RTF2: variants seen among roughly 807,000 people sequenced by gnomAD.
RTF2 encodes the protein UPF0549 protein C20orf43.
Under a neutral mutation model 38.0 loss-of-function variants are expected in RTF2, and 18 were observed. The observed-to-expected ratio is 0.47, with a 90% CI of 0.33 to 0.70. The LOEUF (loss-of-function observed/expected upper bound fraction) is 0.70. Among genes scored for constraint, RTF2 ranks in the 30% least tolerant of loss-of-function variants. The pLI is 0.02. For missense variants in RTF2, 311 were observed against 379.6 expected, an observed-to-expected ratio of 0.82 and a Z score of 1.50; for synonymous variants, 126 against 137.1, an observed-to-expected ratio of 0.92 and a Z score of 0.57.
chr20:56,480,603 G>C (rs1982483316), intron 4 of RTF2, among the ~76,000 whole-genome samples: 1 of 152,158 alleles, frequency 6.6e-6, no homozygotes, highest in Non-Finnish European at 1.5e-5. Flanking sequence ...TTGGCTTTGG[G>C]CCTGCCTTCC....
intron 6 of RTF2, chr20:56,513,715 C>A (rs1372434298): frequency 1.6e-5 from 5 of 316,234 alleles, no homozygotes; most frequent in Non-Finnish European, 2.5e-5. Context: ...GAGACCATGG[C>A]CATAAAGCAC....
At chr20:56,479,742 A>G (rs148487658) in intron 4 of RTF2, among the ~76,000 whole-genome samples, 8 of 152,236 alleles carry the variant, frequency 5.3e-5, no homozygotes, top group African/African-American at 1.9e-4. Flanking sequence ...AAACAACTTT[A>G]ATCTTGTACA....
At chr20:56,481,888 T>C (rs1982544424) in intron 4 of RTF2, among the ~76,000 whole-genome samples, 2 of 152,226 alleles carry the variant, frequency 1.3e-5, no homozygotes, top group African/African-American at 4.8e-5. Flanking sequence ...TCATACAATA[T>C]GTAACCTTTC....
chr20:56,486,578 G>A (rs779104928), intron 5 of RTF2, among the ~76,000 whole-genome samples: 3 of 152,150 alleles, frequency 2.0e-5, no homozygotes, highest in Non-Finnish European at 4.4e-5. Context: ...GAACCTGGGA[G>A]CTGGAGGTTA....
chr20:56,469,677 C>A (rs758061958), intron 1 of RTF2, among the ~76,000 whole-genome samples: 1 of 152,186 alleles, frequency 6.6e-6, no homozygotes, highest in Non-Finnish European at 1.5e-5. Context: ...AAAAGGTAAA[C>A]CCCTTAAGTC....
At chr20:56,479,114 A>G (rs1982399507) in intron 4 of RTF2, among the ~76,000 whole-genome samples, 1 of 152,348 alleles carries the variant, frequency 6.6e-6, no homozygotes, top group African/African-American at 2.4e-5. Flanking sequence ...CCACTAAAGC[A>G]TTGAACCCCT....
Position 56,468,678 on chromosome 20 carries a change from G to C in RTF2, c.-20G>C, listed in dbSNP as rs910173816. On this transcript the variant is annotated 5_prime_UTR_variant, in exon 1 of 9. Transcript: ENST00000357348. ...TGACAGCTTTGGGGGTTTGCTGCTG[G>C]CTCTGACTCCCGTCCTGCGATGGGT... The C allele has an allele frequency of 6.4e-7, 1 of 1,564,118 alleles. No homozygotes were observed. Among genetic ancestry groups the C allele is most frequent in the Non-Finnish European group, 8.7e-7 (1 of 1,154,260 alleles).
At chr20:56,497,137 C>T in intron 5 of RTF2, 2 of 1,551,542 alleles carry the variant, frequency 1.3e-6, no homozygotes, top group South Asian at 1.2e-5. Context: ...AAACAGTTAA[C>T]CAAGGTTTGC....
At chr20:56,516,810 AC>A in intron 6 of RTF2, 124 bp from the exon 7 acceptor site, 1 of 801,754 alleles carries the variant, frequency 1.2e-6, no homozygotes, top group Non-Finnish European at 2.1e-6. Context: ...CTTCAGAGTG[AC>A]TGTCTGTCTC....
intron 8 of RTF2, among the ~76,000 whole-genome samples, chr20:56,517,565 G>A (rs1403528461): frequency 6.6e-6 from 1 of 152,154 alleles, no homozygotes. Flanking sequence ...CTTTACTCTT[G>A]GGGCTTTCAT....
At chr20:56,478,038 G>A (rs922405513) in intron 4 of RTF2, among the ~76,000 whole-genome samples, 1 of 152,142 alleles carries the variant, frequency 6.6e-6, no homozygotes, top group African/African-American at 2.4e-5. Flanking sequence ...TTTTTCATAG[G>A]ATGTCTCACT....
chr20:56,470,178 A>G (rs1415165426), intron 1 of RTF2, among the ~76,000 whole-genome samples: 1 of 152,252 alleles, frequency 6.6e-6, no homozygotes, highest in African/African-American at 2.4e-5. Context: ...ACGTACATGT[A>G]AACAGGCGAA....
intron 4 of RTF2, among the ~76,000 whole-genome samples, chr20:56,480,615 C>G (rs1239239404): frequency 6.6e-6 from 1 of 152,194 alleles, no homozygotes; most frequent in Non-Finnish European, 1.5e-5. Flanking sequence ...CTGCCTTCCT[C>G]CCTAAGCTTA....
chr20:56,483,388 C>G (rs1350272747), intron 4 of RTF2, among the ~76,000 whole-genome samples: 2 of 151,618 alleles, frequency 1.3e-5, no homozygotes, highest in East Asian at 1.9e-4. Context: ...GTCCCAGTTA[C>G]CTAGGCTGGA....
At chr20:56,472,560 T>C in intron 1 of RTF2, 2 of 480,950 alleles carry the variant, frequency 4.2e-6, no homozygotes. Flanking sequence ...AATTATGTAG[T>C]CTTTGTTCTG....
chr20:56,489,331 T>G (rs1259750608), intron 5 of RTF2, among the ~76,000 whole-genome samples: 1 of 152,042 alleles, frequency 6.6e-6, no homozygotes, highest in Admixed American at 6.6e-5. Flanking sequence ...TCCAAAGTGC[T>G]GGGATTACAG....
At position 56,468,659 on chromosome 20, in the gene RTF2, C is replaced by A; in HGVS notation, c.-39C>A. On this transcript the variant is annotated 5_prime_UTR_variant, in exon 1 of 9. Coordinates refer to ENST00000357348, the MANE Select transcript of RTF2 (RefSeq NM_016407.5). ...TCGCCGGAAATCCCGGAAGTGACAG[C>A]TTTGGGGGTTTGCTGCTGGCTCTGA... The A allele has an allele frequency of 1.3e-6, 2 of 1,542,860 alleles. No individual in the cohort carries two copies. The highest frequency in any genetic ancestry group is 1.8e-6 in the Non-Finnish European group (2 of 1,138,378).
At chr20:56,481,213 C>T (rs149008914) in intron 4 of RTF2, among the ~76,000 whole-genome samples, 1 of 152,142 alleles carries the variant, frequency 6.6e-6, no homozygotes, top group East Asian at 1.9e-4. Flanking sequence ...CAAAGCATCT[C>T]GAGTAAGTAA....
At position 56,518,376 on chromosome 20, in the gene RTF2, A is replaced by G; in HGVS notation, c.*111A>G. On this transcript the variant is annotated 3_prime_UTR_variant, in exon 9 of 9. Transcript: ENST00000357348. ...TGTGTTCTCTCTATAGTTCTGTGTC[A>G]TAAAGCTGTCCTGGCCAGCCTTCAA... is the stretch of plus-strand genomic sequence containing the variant. 8.7e-7 allele frequency: 1 copy of G among 1,143,332 alleles called. No homozygotes were observed. The highest frequency in any genetic ancestry group is 1.2e-6 in the Non-Finnish European group (1 of 812,304). 70.8% of individuals were successfully genotyped at this position (1,143,332 alleles called of 1,614,324 possible). A position where few individuals can be genotyped will look rare whatever the true frequency, so the allele number is the denominator to read the frequency against.
Sources: allele counts gnomAD v4.1 joint callset (sites outside exome capture counted in the v4.1 genomes callset), GRCh38; gene constraint gnomAD v4.1.1; transcripts MANE v1.5; gene names NCBI Gene and HGNC (gene_info 2026-07-23, HGNC 2026-07-21).